ARHGAP12: variants seen among roughly 807,000 people sequenced by gnomAD.
The protein encoded by ARHGAP12 is Rho GTPase activating protein 12.
In ARHGAP12, 64 loss-of-function variants were observed where a neutral mutation model predicts 108.6. That is an observed-to-expected ratio of 0.59 (90% CI 0.48 to 0.73). ARHGAP12 has a LOEUF of 0.73. Among genes scored for constraint, ARHGAP12 ranks in the 30% least tolerant of loss-of-function variants. ARHGAP12 has a pLI of 0.00. For missense variants in ARHGAP12, 940 were observed against 1,005.9 expected, an observed-to-expected ratio of 0.93 and a Z score of 0.89; for synonymous variants, 312 against 337.2, an observed-to-expected ratio of 0.93 and a Z score of 0.82.
rs1467155429 is a variant in ARHGAP12, at chr10:31,843,667, C to T, written c.1171-81G>A. ...AAGTGGAATCTAAACATCTTGGCTC[C>T]AAATGACAAAGACTGTTAGGCGAAG... On this transcript the variant is annotated intron_variant, in intron 6 of 19. Transcript: ENST00000344936. 114 of 1,436,316 alleles carry T rather than the reference C, an allele frequency of 7.9e-5. No homozygotes were observed. In the South Asian group the frequency reaches 8.4e-4, roughly 11 times the overall value. The allele number at this position is 1,436,316 out of a possible 1,614,324, so 89.0% of individuals were successfully genotyped here. A position where few individuals can be genotyped will look rare whatever the true frequency, so the allele number is the denominator to read the frequency against.
At chr10:31,866,750 G>C (rs1028806009) in intron 3 of ARHGAP12, among the ~76,000 whole-genome samples, 1 of 151,976 alleles carries the variant, frequency 6.6e-6, no homozygotes, top group Non-Finnish European at 1.5e-5. Flanking sequence ...TGAGTAGCTG[G>C]GATTATAGGC....
rs57420280 is a variant in ARHGAP12, at chr10:31,921,763, CAAAAAAAAAAAAAA to C, written c.-111+6906_-111+6919del. Among the ~76,000 whole-genome samples the C allele has an allele frequency of 5.3e-4, 20 of 37,930 alleles. No homozygotes were observed. The Admixed American group carries it at 8.4e-3, about 16-fold the overall frequency. 24.9% of individuals were successfully genotyped at this position (37,930 alleles called of 152,430 possible). A position where few individuals can be genotyped will look rare whatever the true frequency, so the allele number is the denominator to read the frequency against. On this transcript the variant is annotated intron_variant, in intron 1 of 19. Coordinates refer to ENST00000344936, the MANE Select transcript of ARHGAP12 (RefSeq NM_018287.7). The stretch of plus-strand genomic sequence containing the variant: ...TGGGTGACAGAGCAAGGCTCCATCT[CAAAAAAAAAAAAAA>C]AAAAAAAAAAAAAGTTTGTAGAAGA...
chr10:31,851,871 G>A (rs1009142275), intron 6 of ARHGAP12, among the ~76,000 whole-genome samples: 6 of 152,076 alleles, frequency 3.9e-5, no homozygotes, highest in East Asian at 3.9e-4. Context: ...CACTAATTAC[G>A]GCTATTTTCT....
intron 3 of ARHGAP12, among the ~76,000 whole-genome samples, chr10:31,880,383 AG>A (rs1168710523): frequency 1.3e-5 from 2 of 152,128 alleles, no homozygotes; most frequent in African/African-American, 4.8e-5. Context: ...CCAGGACAGG[AG>A]GACTGCTTGA....
Position 31,826,405 on chromosome 10 carries a change from C to G in ARHGAP12, c.1449-20G>C, listed in dbSNP as rs753083860. 2.5e-6 allele frequency: 4 copies of G among 1,588,686 alleles called. No homozygotes were observed. The highest frequency in any genetic ancestry group is 2.6e-6 in the Non-Finnish European group (3 of 1,165,184). ...TTCTTTCTGTAATTATAAAGATGAC[C>G]GATTAAAGCTCCAATCTCGAGTTCT... On this transcript the variant is annotated intron_variant, in intron 10 of 19. Coordinates refer to ENST00000344936, the MANE Select transcript of ARHGAP12 (RefSeq NM_018287.7).
intron 13 of ARHGAP12, among the ~76,000 whole-genome samples, chr10:31,815,710 A>G (rs1194453239): frequency 2.0e-5 from 3 of 152,210 alleles, no homozygotes; most frequent in Non-Finnish European, 2.9e-5. Context: ...TTAACAGAAT[A>G]TACTTCTCAT....
At chr10:31,888,502 A>C (rs191847365) in intron 3 of ARHGAP12, among the ~76,000 whole-genome samples, 5 of 152,260 alleles carry the variant, frequency 3.3e-5, no homozygotes, top group Non-Finnish European at 7.3e-5. Flanking sequence ...CTTTGGAAGA[A>C]TAACAGAACC....
chr10:31,867,404 A>G (rs1264889553), intron 3 of ARHGAP12, among the ~76,000 whole-genome samples: 1 of 152,202 alleles, frequency 6.6e-6, no homozygotes, highest in Non-Finnish European at 1.5e-5. Flanking sequence ...CTGATTGATT[A>G]CCAACAATTT....
intron 3 of ARHGAP12, among the ~76,000 whole-genome samples, chr10:31,902,323 C>T (rs1838960830): frequency 1.4e-5 from 2 of 144,460 alleles, no homozygotes; most frequent in Admixed American, 6.9e-5. Context: ...ATTAGATATC[C>T]ATAGGCAAAA....
At chr10:31,886,765 T>C (rs1290472466) in intron 3 of ARHGAP12, among the ~76,000 whole-genome samples, 2 of 152,180 alleles carry the variant, frequency 1.3e-5, no homozygotes, top group African/African-American at 2.4e-5. Flanking sequence ...CTGTCAATCA[T>C]ACTACCCTGC....
rs200905333 is a variant in ARHGAP12 at position 31,902,670 on chromosome 10, CA to C, written c.684+5501del. 8.7e-3 allele frequency among the ~76,000 whole-genome samples: 1,019 copies of C among 116,558 alleles called. 8 individuals carry two copies. The highest frequency in any genetic ancestry group is 0.03 in the Middle Eastern group (7 of 236). 76.5% of individuals were successfully genotyped at this position (116,558 alleles called of 152,430 possible). ...TAGGTGACAGACAAAGACCCCATCT[CA>C]AAAAAAAAAAAAAATTACTCAAAAT... On this transcript the variant is annotated intron_variant, in intron 3 of 19. Coordinates refer to ENST00000344936, the MANE Select transcript of ARHGAP12 (RefSeq NM_018287.7).
intron 3 of ARHGAP12, among the ~76,000 whole-genome samples, chr10:31,870,287 T>C (rs1004157970): frequency 2.0e-5 from 3 of 151,150 alleles, no homozygotes; most frequent in Middle Eastern, 3.2e-3. Flanking sequence ...TGGAGTGCAA[T>C]GGTGCCATCT....
In ARHGAP12 at chr10:31,807,806, C is replaced by A. The variant is rs998892661; in HGVS notation, c.2393G>T (p.Arg798Leu). 3.3e-6 allele frequency: 5 copies of A among 1,525,980 alleles called. No individual in the cohort carries two copies. The highest frequency in any genetic ancestry group is 2.8e-5 in the African/African-American group (2 of 70,926). 94.5% of individuals were successfully genotyped at this position (1,525,980 alleles called of 1,614,324 possible). The change falls in exon 20 of 20, where the codon CGA (arginine) becomes CTA (leucine). Residue 798 changes from arginine to leucine, a missense_variant. Arg to Leu is a moderately radical substitution (Grantham distance 102). Coordinates refer to ENST00000344936, the MANE Select transcript of ARHGAP12 (RefSeq NM_018287.7). ...RRVIENGEKN[R>L]MTYQSIAIVF... is the part of the protein sequence containing the mutation. Reference sequence around the variant, plus strand: ...AATTGCTATACTCTGATAGGTCATTCGATTTTTCTCTCCATTTTCTATAAC... The same window carrying A: ...AATTGCTATACTCTGATAGGTCATTAGATTTTTCTCTCCATTTTCTATAAC...
intron 3 of ARHGAP12, among the ~76,000 whole-genome samples, chr10:31,863,301 T>A (rs1360116410): frequency 6.6e-6 from 1 of 152,202 alleles, no homozygotes; most frequent in Non-Finnish European, 1.5e-5. Flanking sequence ...TAAATTCTGT[T>A]AATATAAAAA....
intron 13 of ARHGAP12, 100 bp downstream of exon 13, chr10:31,817,687 CT>C: frequency 1.4e-6 from 1 of 732,868 alleles, no homozygotes; most frequent in South Asian, 2.0e-5. Context: ...TATAAAGTGC[CT>C]TTTCACATAT....
intron 11 of ARHGAP12, among the ~76,000 whole-genome samples, chr10:31,822,930 C>G (rs1592254589): frequency 6.6e-6 from 1 of 151,970 alleles, no homozygotes; most frequent in Non-Finnish European, 1.5e-5. Context: ...ACAGCCCCAC[C>G]GACAACAAAT....
chr10:31,860,040 A>G (rs1189462211), intron 4 of ARHGAP12, among the ~76,000 whole-genome samples: 1 of 152,148 alleles, frequency 6.6e-6, no homozygotes, highest in Non-Finnish European at 1.5e-5. Context: ...CCAAAGTGCT[A>G]GAATTACAGG....
At position 31,894,829 on chromosome 10, in the gene ARHGAP12, C is replaced by T. The variant is rs1485906559; in HGVS notation, c.684+13343G>A. Among the ~76,000 whole-genome samples the T allele has an allele frequency of 1.8e-4, 28 of 152,252 alleles. 1 individual carries two copies. In the South Asian group the frequency reaches 2.7e-3, roughly 15 times the overall value. ...CAAAAGTACAAAGCTGGAGGCATCA[C>T]GCTACCTGACTTCAAACTATACTAC... On this transcript the variant is annotated intron_variant, in intron 3 of 19. Coordinates refer to ENST00000344936, the MANE Select transcript of ARHGAP12 (RefSeq NM_018287.7).
intron 1 of ARHGAP12, among the ~76,000 whole-genome samples, chr10:31,927,510 C>T (rs1021778307): frequency 6.6e-5 from 10 of 152,174 alleles, no homozygotes; most frequent in African/African-American, 2.4e-4. Context: ...CCTTCCTCCA[C>T]CACCTCCCTT....
Sources: allele counts gnomAD v4.1 joint callset (sites outside exome capture counted in the v4.1 genomes callset), GRCh38; gene constraint gnomAD v4.1.1; transcripts MANE v1.5; gene names NCBI Gene and HGNC (gene_info 2026-07-23, HGNC 2026-07-21).